SECISBP2L: variants seen among roughly 807,000 people sequenced by gnomAD.
SECISBP2L encodes the protein SECIS binding protein 2 like, also known as selenocysteine insertion sequence-binding protein 2-like.
Under a neutral mutation model 114.7 loss-of-function variants are expected in SECISBP2L, and 43 were observed. The observed-to-expected ratio is 0.38, with a 90% CI of 0.29 to 0.48. The LOEUF (loss-of-function observed/expected upper bound fraction) is 0.48. SECISBP2L is among the 20% of genes least tolerant of loss of function. The pLI is 0.98. For missense variants in SECISBP2L, 1,136 were observed against 1,301.1 expected, an observed-to-expected ratio of 0.87 and a Z score of 1.95; for synonymous variants, 451 against 439.7, an observed-to-expected ratio of 1.03 and a Z score of -0.32.
intron 14 of SECISBP2L, among the ~76,000 whole-genome samples, chr15:49,005,426 T>C (rs1902296973): frequency 1.3e-5 from 2 of 152,216 alleles, no homozygotes; most frequent in African/African-American, 4.8e-5. Flanking sequence ...TTGTATTGGG[T>C]GCATATACAT....
chr15:49,009,111 G>T, intron 14 of SECISBP2L, 105 bp downstream of exon 14: 1 of 1,223,344 alleles, frequency 8.2e-7, no homozygotes, highest in Non-Finnish European at 1.2e-6. Context: ...AAGATCTCTG[G>T]TCTTTTGTCT....
At chr15:49,034,874 A>T (rs1902973577) in intron 3 of SECISBP2L, among the ~76,000 whole-genome samples, 1 of 151,842 alleles carries the variant, frequency 6.6e-6, no homozygotes, top group Non-Finnish European at 1.5e-5. Context: ...TGTTGCCCAG[A>T]CTGGTCTCAA....
intron 4 of SECISBP2L, among the ~76,000 whole-genome samples, chr15:49,030,997 A>G (rs894373284): frequency 7.3e-6 from 1 of 136,118 alleles, no homozygotes; most frequent in Non-Finnish European, 1.6e-5. Flanking sequence ...CATGATATTT[A>G]GGTTTTTCTT....
chr15:49,003,961 G>A (rs1902262773), intron 14 of SECISBP2L, among the ~76,000 whole-genome samples: 1 of 152,216 alleles, frequency 6.6e-6, no homozygotes, highest in South Asian at 2.1e-4. Context: ...CATAAAATGA[G>A]TTAGGTAGGA....
At chr15:49,016,303 T>TA (rs773153164) in intron 11 of SECISBP2L, 82 of 307,286 alleles carry the variant, frequency 2.7e-4, no homozygotes, top group African/African-American at 1.5e-3. Context: ...GGTGAGTAGT[T>TA]AGAGTATGGA....
intron 7 of SECISBP2L, among the ~76,000 whole-genome samples, chr15:49,024,244 TCCCAATACTTTG>T (rs763350110): frequency 1.3e-5 from 2 of 152,232 alleles, no homozygotes; most frequent in East Asian, 3.9e-4. Context: ...ACCCCTGTAA[TCCCAATACTTTG>T]GGAGGCCGAG....
rs769424220 is a variant in SECISBP2L at position 48,992,806 on chromosome 15, G to C, written c.2744C>G (p.Pro915Arg). ...EKPSKLPFDT[P>R]PIGKQPSLVA... ...TAATGATGGCTGCTTACCAATTGGG[G>C]GTGTGTCAAATGGAAGTTTACTGGG... The change falls in exon 18 of 18, where the codon CCC becomes CGC. Residue 915 changes from proline to arginine, a missense_variant. Pro to Arg is a moderately radical substitution (Grantham distance 103). Transcript: ENST00000559471. 5.6e-6 allele frequency: 9 copies of C among 1,614,030 alleles called. No individual in the cohort carries two copies. Among genetic ancestry groups the C allele is most frequent in the Admixed American group, 1.7e-5 (1 of 59,992 alleles).
At position 48,996,448 on chromosome 15, in the gene SECISBP2L, G is replaced by A. The variant is rs1297184903; in HGVS notation, c.2542C>T (p.Arg848Trp). The stretch of plus-strand genomic sequence containing the variant: ...ATGGCACTTGCTGCAGAGGGATTCC[G>A]AGAATGTCCCATGTGGTGTGGTACC... The part of the protein sequence containing the change: ...KKVPHHMGHS[R>W]NPSAASAISF... The change falls in exon 17 of 18, where the codon CGG becomes TGG. Residue 848 changes from arginine (R) to tryptophan (W), a missense_variant. Around this residue, in one of 2 missense-constraint regions of SECISBP2L, gnomAD observed 684 missense variants for 848.7 expected, o/e 0.81. Transcript: ENST00000559471. 2 of 1,614,084 alleles carry A rather than the reference G, an allele frequency of 1.2e-6. No individual in the cohort carries two copies. The highest frequency in any genetic ancestry group is 1.7e-5 in the Admixed American group (1 of 60,006).
intron 14 of SECISBP2L, among the ~76,000 whole-genome samples, chr15:49,003,220 T>A (rs1157500317): frequency 6.6e-6 from 1 of 152,232 alleles, no homozygotes; most frequent in Non-Finnish European, 1.5e-5. Context: ...CAATTGTGAA[T>A]GGGAGTTCAC....
rs1902267064 is a variant in SECISBP2L, at chr15:49,004,180, G to T, written c.2028-3083C>A. 2.0e-5 allele frequency among the ~76,000 whole-genome samples: 3 copies of T among 152,250 alleles called. No homozygotes were observed. The South Asian group carries it at 6.2e-4, about 32-fold the overall frequency. ...GGTTTAGTCTTGGGAGGGTGTATGTGTCCAGGAATTTATCCATTTCTTCTA... is the reference window on the plus strand; with the variant it reads ...GGTTTAGTCTTGGGAGGGTGTATGTTTCCAGGAATTTATCCATTTCTTCTA... On this transcript the variant is annotated intron_variant, in intron 14 of 17. Transcript: ENST00000559471.
chr15:49,035,542 G>A lies in SECISBP2L; in HGVS notation c.320C>T (p.Thr107Ile). The A allele has an allele frequency of 1.9e-6, 3 of 1,614,200 alleles. No individual in the cohort carries two copies. The highest frequency in any genetic ancestry group is 2.5e-6 in the Non-Finnish European group (3 of 1,180,026). ...TGGTGCTGGCATCAGCTGATAATAT[G>A]TATACTCTGTAGAAACAGGCGGCTG... ...SAQPPVSTEY[T>I]YYQLMPAPCA... is the part of the protein sequence containing the mutation. The change falls in exon 3 of 18, where the codon ACA becomes ATA. Residue 107 changes from threonine to isoleucine, a missense_variant. This residue lies in a region of SECISBP2L where 452 missense variants were observed against 452.3 expected (regional missense o/e 1.00). Coordinates refer to ENST00000559471, the MANE Select transcript of SECISBP2L (RefSeq NM_001193489.2).
At chr15:49,020,949 TTAG>T (rs780383381) in intron 7 of SECISBP2L, among the ~76,000 whole-genome samples, 1 of 152,182 alleles carries the variant, frequency 6.6e-6, no homozygotes, top group Non-Finnish European at 1.5e-5. Context: ...ATCACATAAA[TTAG>T]TATTATCATT....
Position 49,009,223 on chromosome 15 carries a change from A to G in SECISBP2L, c.2020T>C (p.Phe674Leu). ...STITKIHSKRFREYCNQVLCK... is the reference protein window; with the variant it reads ...STITKIHSKRLREYCNQVLCK... ...AATGAGTATAAAACTTACTCTCTAA[A>G]TCTTTTGCTGTGGATTTTGGTTATT... Residue 674 changes from phenylalanine to leucine, a missense_variant, in exon 14 of 18, where the codon TTT becomes CTT. Physicochemically the swap from Phe to Leu is conservative, Grantham distance 22. Around this residue, in one of 2 missense-constraint regions of SECISBP2L, gnomAD observed 684 missense variants for 848.7 expected, o/e 0.81. Coordinates refer to ENST00000559471, the MANE Select transcript of SECISBP2L (RefSeq NM_001193489.2). 1 of 1,613,950 alleles carries G rather than the reference A, an allele frequency of 6.2e-7. No individual in the cohort carries two copies. Among genetic ancestry groups the G allele is most frequent in the Non-Finnish European group, 8.5e-7 (1 of 1,179,914 alleles).
chr15:48,991,314 G>A lies in SECISBP2L; in HGVS notation c.*930C>T, dbSNP rs1161906476. The A allele has an allele frequency of 6.6e-6, 1 of 152,470 alleles. No homozygotes were observed. The highest frequency in any genetic ancestry group is 2.4e-5 in the African/African-American group (1 of 41,436). The allele number at this position is 152,470 out of a possible 1,614,324, so 9.4% of individuals were successfully genotyped here. Reference sequence around the variant, plus strand: ...TGAAACAGTTTTGCACTCAGGACAAGTTTGGATACTCAATCAAATCCATAT... The same window carrying A: ...TGAAACAGTTTTGCACTCAGGACAAATTTGGATACTCAATCAAATCCATAT... On this transcript the variant is annotated 3_prime_UTR_variant, in exon 18 of 18. Transcript: ENST00000559471.
rs980099860 is a variant in SECISBP2L, at chr15:48,991,479, T to A, written c.*765A>T. 6.5e-6 allele frequency: 1 copy of A among 152,688 alleles called. No homozygotes were observed. Among genetic ancestry groups the A allele is most frequent in the Non-Finnish European group, 1.5e-5 (1 of 68,054 alleles). 9.5% of individuals were successfully genotyped at this position (152,688 alleles called of 1,614,324 possible). On this transcript the variant is annotated 3_prime_UTR_variant, in exon 18 of 18. Coordinates refer to ENST00000559471, the MANE Select transcript of SECISBP2L (RefSeq NM_001193489.2). ...ACCTGTCAACATGTGCCTAGCTTTTTGTAAATAAGTCTATGTACAAGAGCA... is the reference window on the plus strand; with the variant it reads ...ACCTGTCAACATGTGCCTAGCTTTTAGTAAATAAGTCTATGTACAAGAGCA...
intron 14 of SECISBP2L, among the ~76,000 whole-genome samples, chr15:49,006,285 T>C (rs1239842664): frequency 6.6e-6 from 1 of 152,218 alleles, no homozygotes; most frequent in Non-Finnish European, 1.5e-5. Context: ...TGCATTTGAA[T>C]GTTGGCCTGT....
chr15:49,041,178 C>T (rs1251465970), intron 1 of SECISBP2L, among the ~76,000 whole-genome samples: 1 of 152,150 alleles, frequency 6.6e-6, no homozygotes, highest in African/African-American at 2.4e-5. Flanking sequence ...TTATTTGCTT[C>T]ACAAAAAAGC....
In SECISBP2L at chr15:49,046,401, T is replaced by TGTGAGGAAG; in HGVS notation, c.-103_-102insCTTCCTCAC. 13 of 1,244,224 alleles carry TGTGAGGAAG rather than the reference T, an allele frequency of 1.0e-5. No homozygotes were observed. The highest frequency in any genetic ancestry group is 1.4e-5 in the Non-Finnish European group (13 of 945,226). 77.1% of individuals were successfully genotyped at this position (1,244,224 alleles called of 1,614,324 possible). A position where few individuals can be genotyped will look rare whatever the true frequency, so the allele number is the denominator to read the frequency against. On this transcript the variant is annotated 5_prime_UTR_variant, in exon 1 of 18. Transcript: ENST00000559471. ...TCGGGTCCAGACTGGGTTCCGGACC[T>TGTGAGGAAG]CCGCCCCTATCTGGCTGGCCGCGAC...
intron 1 of SECISBP2L, among the ~76,000 whole-genome samples, chr15:49,045,876 A>T (rs1286469599): frequency 6.6e-6 from 1 of 152,184 alleles, no homozygotes; most frequent in African/African-American, 2.4e-5. Flanking sequence ...ACATTCTCTT[A>T]CAGTCTTTCT....
Sources: gnomAD v4.1 joint callset for allele counts (sites outside exome capture counted in the v4.1 genomes callset) on GRCh38, gnomAD v4.1.1 for gene constraint, gnomAD v4.1.1 regional missense constraint, MANE v1.5 for transcripts, NCBI Gene and HGNC (gene_info 2026-07-23, HGNC 2026-07-21) for gene names.